UVRAG: variants seen among roughly 807,000 people sequenced by gnomAD.
UVRAG encodes the protein UV radiation resistance-associated gene protein.
UVRAG carries 19 observed loss-of-function variants against 78.0 expected under a neutral mutation model. The observed-to-expected ratio is 0.24, with a 90% CI of 0.17 to 0.36. The LOEUF (loss-of-function observed/expected upper bound fraction) is 0.36. Ranked by LOEUF, UVRAG falls within the 10% of genes least tolerant of loss-of-function variation. The pLI, the probability that UVRAG is intolerant of heterozygous loss-of-function variation, is 1.00. For synonymous variants in UVRAG, 323 were observed against 324.6 expected (o/e 1.00, Z 0.05); for missense variants, 740 against 853.8 (o/e 0.87, Z 1.66).
intron 3 of UVRAG, among the ~76,000 whole-genome samples, chr11:75,875,092 T>C (rs1341612872): frequency 6.6e-6 from 1 of 152,246 alleles, no homozygotes; most frequent in Non-Finnish European, 1.5e-5. Flanking sequence ...CAGTGGATTG[T>C]GAATTTTGTC....
intron 5 of UVRAG, among the ~76,000 whole-genome samples, chr11:75,897,174 C>T (rs1166245370): frequency 1.3e-5 from 2 of 152,176 alleles, no homozygotes; most frequent in Admixed American, 6.5e-5. Context: ...ATAACTTGAT[C>T]GTCTCGAGTA....
At chr11:75,918,792 A>T (rs927166952) in intron 6 of UVRAG, among the ~76,000 whole-genome samples, 1 of 152,232 alleles carries the variant, frequency 6.6e-6, no homozygotes, top group African/African-American at 2.4e-5. Context: ...CTAGAGGACT[A>T]AAGTTTTGTT....
In UVRAG at chr11:76,086,989, T is replaced by G. The variant is rs112550006; in HGVS notation, c.1305+21201T>G. ...TACCTTTTTATTGATGTAATTTAAC[T>G]TATTTTGTTTCCTTTCCTAGTGTCT... On this transcript the variant is annotated intron_variant, in intron 13 of 14. Coordinates refer to ENST00000356136, the MANE Select transcript of UVRAG (RefSeq NM_003369.4). Among the ~76,000 whole-genome samples the G allele has an allele frequency of 1.7e-3, 263 of 152,374 alleles. 1 individual carries two copies. Among genetic ancestry groups the G allele is most frequent in the African/African-American group, 6.1e-3 (252 of 41,596 alleles).
chr11:75,964,834 T>C (rs1948984540), intron 7 of UVRAG, among the ~76,000 whole-genome samples: 1 of 152,266 alleles, frequency 6.6e-6, no homozygotes, highest in Admixed American at 6.5e-5. Flanking sequence ...GATATCCGGT[T>C]GATTTAGCAT....
At chr11:75,828,750 CACACATATATATATATATATATAT>C (rs1265923814) in intron 1 of UVRAG, among the ~76,000 whole-genome samples, 7 of 87,258 alleles carry the variant, frequency 8.0e-5, no homozygotes, top group African/African-American at 5.5e-4. Flanking sequence ...TATATATACA[CACACATATATATATATATATATAT>C]ACACACATAT....
rs565247343 is a variant in UVRAG at position 76,093,752 on chromosome 11, T to C, written c.1306-22172T>C. ...AAAGTTACTTATTGGCTTAAAGAGATGTTGGGCTGAGACAATGGGGTTTTC... is the reference window on the plus strand; with the variant it reads ...AAAGTTACTTATTGGCTTAAAGAGACGTTGGGCTGAGACAATGGGGTTTTC... On this transcript the variant is annotated intron_variant, in intron 13 of 14. Coordinates refer to ENST00000356136, the MANE Select transcript of UVRAG (RefSeq NM_003369.4). Among the ~76,000 whole-genome samples, 7 of 152,342 alleles carry C rather than the reference T, an allele frequency of 4.6e-5. No homozygotes were observed. In the South Asian group the frequency reaches 1.4e-3, roughly 32 times the overall value.
At chr11:76,003,900 TC>T (rs1443574502) in intron 8 of UVRAG, 104 bp from the exon 9 acceptor site, 9 of 1,065,520 alleles carry the variant, frequency 8.4e-6, no homozygotes, top group Non-Finnish European at 1.3e-5. Flanking sequence ...TTTCCCTAAC[TC>T]TTTTTATTTC....
intron 2 of UVRAG, among the ~76,000 whole-genome samples, chr11:75,855,373 C>T (rs1321492644): frequency 2.0e-5 from 3 of 152,184 alleles, no homozygotes; most frequent in African/African-American, 7.2e-5. Context: ...GCATTTACTC[C>T]CTCTTGCGGG....
intron 8 of UVRAG, among the ~76,000 whole-genome samples, chr11:75,987,005 A>C (rs1949512742): frequency 2.0e-5 from 3 of 152,182 alleles, no homozygotes; most frequent in Admixed American, 2.0e-4. Context: ...TCCACTCATC[A>C]GTTGTTGGAC....
At chr11:76,125,804 A>G (rs991977985) in intron 14 of UVRAG, among the ~76,000 whole-genome samples, 2 of 152,224 alleles carry the variant, frequency 1.3e-5, no homozygotes, top group African/African-American at 2.4e-5. Context: ...CAATAGCCCC[A>G]TAATTCAGGC....
intron 14 of UVRAG, among the ~76,000 whole-genome samples, chr11:76,127,162 T>TA (rs1417366502): frequency 1.9e-4 from 29 of 152,220 alleles, no homozygotes; most frequent in Non-Finnish European, 3.7e-4. Flanking sequence ...ATACATCTCT[T>TA]TATTTCCAGA....
At chr11:75,894,340 A>G (rs189092783) in intron 5 of UVRAG, among the ~76,000 whole-genome samples, 4 of 152,110 alleles carry the variant, frequency 2.6e-5, no homozygotes, top group East Asian at 1.9e-4. Context: ...TCAGTTCACA[A>G]TGGAATGAAG....
chr11:75,923,379 C>A (rs1047717398), intron 6 of UVRAG, among the ~76,000 whole-genome samples: 1 of 151,994 alleles, frequency 6.6e-6, no homozygotes, highest in South Asian at 2.1e-4. Flanking sequence ...TATAAATTAC[C>A]GTCTCTCCCA....
intron 2 of UVRAG, among the ~76,000 whole-genome samples, chr11:75,859,081 T>C (rs1946357852): frequency 6.6e-6 from 1 of 152,148 alleles, no homozygotes; most frequent in South Asian, 2.1e-4. Flanking sequence ...ATGATATCTT[T>C]TTGAAAATTT....
intron 6 of UVRAG, among the ~76,000 whole-genome samples, chr11:75,936,629 T>C (rs1031434867): frequency 2.0e-5 from 3 of 152,172 alleles, no homozygotes; most frequent in African/African-American, 7.2e-5. Flanking sequence ...CCATCACTCT[T>C]TGAGTATGTC....
chr11:76,060,678 G>T (rs1359872725), intron 12 of UVRAG, among the ~76,000 whole-genome samples: 1 of 152,218 alleles, frequency 6.6e-6, no homozygotes, highest in Non-Finnish European at 1.5e-5. Context: ...GGCCCTGCTG[G>T]CCCCAGGCAG....
intron 12 of UVRAG, among the ~76,000 whole-genome samples, chr11:76,025,338 G>C (rs560544152): frequency 6.6e-6 from 1 of 152,234 alleles, no homozygotes; most frequent in South Asian, 2.1e-4. Context: ...TAACTGTCTG[G>C]TAGATAATAA....
chr11:76,123,244 G>A (rs1006658842), intron 14 of UVRAG, among the ~76,000 whole-genome samples: 1 of 152,210 alleles, frequency 6.6e-6, no homozygotes, highest in Non-Finnish European at 1.5e-5. Context: ...GATACACTGC[G>A]AAATCAGGCA....
At chr11:76,109,072 T>A (rs1288257272) in intron 13 of UVRAG, among the ~76,000 whole-genome samples, 3 of 151,730 alleles carry the variant, frequency 2.0e-5, no homozygotes, top group African/African-American at 7.3e-5. Flanking sequence ...AAAAGGTGTT[T>A]ATTTCAGAGG....
Sources: gnomAD v4.1 joint callset for allele counts (sites outside exome capture counted in the v4.1 genomes callset) on GRCh38, gnomAD v4.1.1 for gene constraint, MANE v1.5 for transcripts, NCBI Gene and HGNC (gene_info 2026-07-23, HGNC 2026-07-21) for gene names.